The following MXRA7 variants were observed in gnomAD, a reference collection of about 807,000 sequenced individuals.
MXRA7 encodes matrix-remodeling-associated protein 7.
Under a neutral mutation model 17.4 loss-of-function variants are expected in MXRA7, and 18 were observed. That is an observed-to-expected ratio of 1.03 (90% CI 0.71 to 1.53). MXRA7 has a LOEUF of 1.53. Ranked by LOEUF, MXRA7 falls within the 40% of genes most tolerant of loss-of-function variation. MXRA7 has a pLI of 0.00. For missense variants in MXRA7, 141 were observed against 209.3 expected, an observed-to-expected ratio of 0.67 and a Z score of 2.01; for synonymous variants, 70 against 101.7, an observed-to-expected ratio of 0.69 and a Z score of 1.87.
Position 76,700,679 on chromosome 17 carries a change from G to A in MXRA7, c.342+9926C>T, listed in dbSNP as rs1052953917. Among the ~76,000 whole-genome samples, 9 of 152,234 alleles carry A rather than the reference G, an allele frequency of 5.9e-5. No homozygotes were observed. The East Asian group carries it at 1.7e-3, about 29-fold the overall frequency. On this transcript the variant is annotated intron_variant, in intron 1 of 3. Coordinates refer to ENST00000449428, the MANE Select transcript of MXRA7 (RefSeq NM_198530.4). ...GCGGGCCTGTTGCAGGAGCTGGGATGTGGCGGGCAAGGGCCCTGCTCTCCG... is the reference window on the plus strand; with the variant it reads ...GCGGGCCTGTTGCAGGAGCTGGGATATGGCGGGCAAGGGCCCTGCTCTCCG...
chr17:76,693,646 G>T, intron 1 of MXRA7, among the ~76,000 whole-genome samples: 1 of 152,162 alleles, frequency 6.6e-6, no homozygotes, highest in South Asian at 2.1e-4. Flanking sequence ...AGGAGTTTGA[G>T]ACCGCCCTGG....
chr17:76,710,257 G>C (rs1193249903), intron 1 of MXRA7, among the ~76,000 whole-genome samples: 2 of 152,194 alleles, frequency 1.3e-5, no homozygotes, highest in African/African-American at 4.8e-5. Flanking sequence ...GGAGGGGTCA[G>C]AAGTGGGTGA....
At chr17:76,705,852 T>C (rs1474386138) in intron 1 of MXRA7, among the ~76,000 whole-genome samples, 3 of 152,252 alleles carry the variant, frequency 2.0e-5, no homozygotes, top group Non-Finnish European at 4.4e-5. Flanking sequence ...GGTATTTTGA[T>C]ATATCAGCCT....
At chr17:76,688,042 T>G (rs2286588) in intron 2 of MXRA7, 71 bp downstream of exon 2, 499,519 of 1,413,160 alleles carry the variant, frequency 0.35, 92,589 homozygotes, top group Non-Finnish European at 0.38. Context: ...CCAGCTCCTG[T>G]GATCCCCAGC....
intron 2 of MXRA7, 104 bp downstream of exon 2, chr17:76,688,006 CCAT>C: frequency 1.1e-6 from 1 of 879,560 alleles, no homozygotes; most frequent in African/African-American, 1.6e-5. Flanking sequence ...CTGTCCCACC[CCAT>C]CCCTCCCCTC....
At chr17:76,679,287 CA>C (rs71158050), downstream of MXRA7, among the ~76,000 whole-genome samples, 1,488 of 121,632 alleles carry the variant, frequency 0.012, 24 homozygotes, top group African/African-American at 0.045. Context: ...GGCCCTGTCT[CA>C]AAAAAAAAAA....
At chr17:76,696,948 C>T (rs1052172058) in intron 1 of MXRA7, among the ~76,000 whole-genome samples, 5 of 152,106 alleles carry the variant, frequency 3.3e-5, no homozygotes, top group East Asian at 3.8e-4. Flanking sequence ...AGCAGCTGCT[C>T]GAGCGCTGAC....
At chr17:76,704,269 G>C (rs1366434876) in intron 1 of MXRA7, among the ~76,000 whole-genome samples, 1 of 128,464 alleles carries the variant, frequency 7.8e-6, no homozygotes, top group African/African-American at 2.9e-5. Flanking sequence ...GCAGTGGTGC[G>C]ATCTCAGCTC....
intron 1 of MXRA7, chr17:76,688,414 C>T (rs2076432927): frequency 2.9e-6 from 4 of 1,397,536 alleles, no homozygotes; most frequent in Admixed American, 3.2e-5. Flanking sequence ...CTGTGCACCC[C>T]AAGCCCTCGG....
chr17:76,688,689 C>T, intron 1 of MXRA7: 1 of 1,236,394 alleles, frequency 8.1e-7, no homozygotes, highest in Non-Finnish European at 1.0e-6. Context: ...CAGTTCTCTC[C>T]CACACAGAGA....
chr17:76,710,635 CT>C lies in MXRA7; in HGVS notation c.311del (p.Glu104GlyfsTer45). ...TCGCCTCCACCGCCTGCTCCTCCGC[CT>C]CCGCTGGCGCCGCCGCGGGATCCCC... ...GPGDPAAAPAEAEEQAVEARQ... is the reference protein window; with the variant it reads ...GPGDPAAAPAXAEEQAVEARQ... On this transcript the variant is annotated frameshift_variant, in exon 1 of 4. Transcript: ENST00000449428. LOFTEE classifies it high-confidence loss of function. 7.2e-7 allele frequency: 1 copy of C among 1,384,560 alleles called. No individual in the cohort carries two copies. Among genetic ancestry groups the C allele is most frequent in the Non-Finnish European group, 9.4e-7 (1 of 1,065,290 alleles). 85.8% of individuals were successfully genotyped at this position (1,384,560 alleles called of 1,614,324 possible).
chr17:76,673,713 C>T (rs1005358013), exon 4 of MXRA7: 1 of 151,606 alleles, frequency 6.6e-6, no homozygotes, highest in Admixed American at 6.6e-5. Context: ...AAAGGAAAAC[C>T]AGTAACAAAT....
At chr17:76,678,999 G>A (rs1489647781), downstream of MXRA7, among the ~76,000 whole-genome samples, 2 of 152,146 alleles carry the variant, frequency 1.3e-5, no homozygotes, top group Non-Finnish European at 2.9e-5. Flanking sequence ...GTGCCCTCCT[G>A]TAAGAAGAAA....
At chr17:76,679,297 A>AAG (rs1227519870), downstream of MXRA7, among the ~76,000 whole-genome samples, 1 of 150,174 alleles carries the variant, frequency 6.7e-6, no homozygotes, top group Non-Finnish European at 1.5e-5. Flanking sequence ...CAAAAAAAAA[A>AAG]AAAAAAAGAA....
chr17:76,681,767 C>T lies in MXRA7; in HGVS notation c.501-888G>A, dbSNP rs1353355669. The stretch of plus-strand genomic sequence containing the variant: ...CTGACAGCCGCGCCTGTTCTTTCTC[C>T]TGCCAAGCTGTGAAGCCAGCCAAGC... On this transcript the variant is annotated intron_variant, in intron 3 of 3. Transcript: ENST00000449428. This position sits in a 1 kb window ranked among gnomAD's most constrained non-coding sequence, Gnocchi z 4.7. Among the ~76,000 whole-genome samples, 3 of 152,198 alleles carry T rather than the reference C, an allele frequency of 2.0e-5. No homozygotes were observed. Among genetic ancestry groups the T allele is most frequent in the Admixed American group, 1.3e-4 (2 of 15,288 alleles).
intron 1 of MXRA7, among the ~76,000 whole-genome samples, chr17:76,708,674 G>C (rs1260543177): frequency 6.6e-6 from 1 of 152,160 alleles, no homozygotes; most frequent in Non-Finnish European, 1.5e-5. Context: ...CCACCACTGG[G>C]AGTGGGTGGG....
At chr17:76,679,289 A>AAAAAAGG (rs539486667), downstream of MXRA7, among the ~76,000 whole-genome samples, 3 of 137,516 alleles carry the variant, frequency 2.2e-5, no homozygotes, top group African/African-American at 9.2e-5. Context: ...CCCTGTCTCA[A>AAAAAAGG]AAAAAAAAAA....
chr17:76,692,218 G>GA (rs201375648), intron 1 of MXRA7, among the ~76,000 whole-genome samples: 1 of 147,920 alleles, frequency 6.8e-6, no homozygotes, highest in Admixed American at 6.7e-5. Flanking sequence ...GTCACCAAAA[G>GA]AAAAAAAAAA....
At chr17:76,683,083 G>A (rs573515141) in intron 3 of MXRA7, among the ~76,000 whole-genome samples, 1 of 152,348 alleles carries the variant, frequency 6.6e-6, no homozygotes, top group East Asian at 1.9e-4. Context: ...GGTCTTTCTT[G>A]TTCTAAGAGG....
Sources: gnomAD v4.1 joint callset for allele counts (sites outside exome capture counted in the v4.1 genomes callset) on GRCh38, gnomAD v4.1.1 for gene constraint, Gnocchi (gnomAD v3.1) non-coding constraint, MANE v1.5 for transcripts, NCBI Gene and HGNC (gene_info 2026-07-23, HGNC 2026-07-21) for gene names.